Variants in ANO4 observed in about 807,000 individuals in gnomAD.
ANO4 encodes anoctamin-4.
In ANO4, 69 loss-of-function variants were observed where a neutral mutation model predicts 141.9. The ratio of observed to expected loss-of-function variants is 0.49; its 90% CI spans 0.40 to 0.59. The LOEUF is 0.59. ANO4 is among the 20% of genes least tolerant of loss of function. The pLI is 0.00. For missense variants in ANO4, 894 were observed against 1,162.2 expected, an observed-to-expected ratio of 0.77 and a Z score of 3.36; for synonymous variants, 350 against 394.3, an observed-to-expected ratio of 0.89 and a Z score of 1.33.
chr12:100,829,914 G>A (rs1366768671), intron 1 of ANO4, among the ~76,000 whole-genome samples: 2 of 152,038 alleles, frequency 1.3e-5, no homozygotes, highest in Non-Finnish European at 2.9e-5. Flanking sequence ...CAGAGGTCAC[G>A]TGTTCACAGT....
chr12:101,013,851 T>G (rs2046204465), intron 8 of ANO4, among the ~76,000 whole-genome samples: 1 of 152,170 alleles, frequency 6.6e-6, no homozygotes, highest in Admixed American at 6.5e-5. Context: ...TATATTAATT[T>G]GTGAAGAAAG....
At chr12:100,800,664 G>A (rs990540706) in intron 1 of ANO4, among the ~76,000 whole-genome samples, 2 of 152,178 alleles carry the variant, frequency 1.3e-5, no homozygotes, top group African/African-American at 4.8e-5. Context: ...ATGACAATTC[G>A]TGTCTTTGAT....
At chr12:101,039,774 G>A (rs539240805) in intron 10 of ANO4, among the ~76,000 whole-genome samples, 181 bp from the exon 11 acceptor site, 17 of 152,148 alleles carry the variant, frequency 1.1e-4, no homozygotes, top group African/African-American at 4.1e-4. Context: ...CTAGATATCA[G>A]CAGTAGCAAG....
chr12:100,718,736 G>C (rs1214799242), intron 1 of ANO4, among the ~76,000 whole-genome samples: 1 of 152,030 alleles, frequency 6.6e-6, no homozygotes, highest in African/African-American at 2.4e-5. Flanking sequence ...CCCTTCCCCC[G>C]TGCTCAGAAC....
intron 22 of ANO4, among the ~76,000 whole-genome samples, chr12:101,103,480 A>G (rs959128104): frequency 2.0e-5 from 3 of 151,482 alleles, no homozygotes; most frequent in African/African-American, 4.8e-5. Flanking sequence ...TTCTGAATCT[A>G]TTGAAATGAT....
At chr12:100,806,522 TC>T (rs2035036747) in intron 1 of ANO4, among the ~76,000 whole-genome samples, 13 of 91,654 alleles carry the variant, frequency 1.4e-4, no homozygotes, top group East Asian at 6.1e-4. Flanking sequence ...TTTTTTTGTT[TC>T]GTTTTTTTTT....
At chr12:100,871,951 T>C (rs2039056855) in intron 1 of ANO4, among the ~76,000 whole-genome samples, 2 of 152,220 alleles carry the variant, frequency 1.3e-5, no homozygotes, top group Admixed American at 1.3e-4. Context: ...AAAGGGCTGC[T>C]TGGTGTATCA....
intron 9 of ANO4, among the ~76,000 whole-genome samples, chr12:101,025,375 A>T (rs1052579396): frequency 1.3e-5 from 2 of 152,208 alleles, no homozygotes; most frequent in Admixed American, 6.5e-5. Context: ...TAAGTTGAGA[A>T]GTTGTTGCTA....
At chr12:100,890,719 AT>A (rs2040062818) in intron 1 of ANO4, among the ~76,000 whole-genome samples, 2 of 152,162 alleles carry the variant, frequency 1.3e-5, no homozygotes, top group African/African-American at 4.8e-5. Context: ...CTACATGTGC[AT>A]AGCCTCCTCT....
chr12:101,055,207 G>T (rs1432154162), intron 14 of ANO4, among the ~76,000 whole-genome samples: 1 of 152,168 alleles, frequency 6.6e-6, no homozygotes, highest in African/African-American at 2.4e-5. Context: ...ATTAAAAGTG[G>T]CATTGCTGGA....
chr12:100,851,415 G>A (rs1188614066), intron 1 of ANO4, among the ~76,000 whole-genome samples: 1 of 151,916 alleles, frequency 6.6e-6, no homozygotes, highest in Non-Finnish European at 1.5e-5. Context: ...AGATTTTAAT[G>A]TTCTTTCTAT....
intron 1 of ANO4, among the ~76,000 whole-genome samples, chr12:100,823,975 G>A (rs1377277883): frequency 6.6e-6 from 1 of 152,014 alleles, no homozygotes; most frequent in Non-Finnish European, 1.5e-5. Context: ...GAGTAAAAAT[G>A]CTACAAATCT....
At chr12:100,760,484 A>G (rs7966695) in intron 3 of ANO4, among the ~76,000 whole-genome samples, 35,938 of 152,114 alleles carry the variant, frequency 0.24, 4,571 homozygotes, top group African/African-American at 0.27. Flanking sequence ...TGGATGTGTG[A>G]TTTAGACTGA....
At position 100,731,590 on chromosome 12, in the gene ANO4, T is replaced by C. The variant is rs141840258; in HGVS notation, c.23-2184T>C. On this transcript the variant is annotated intron_variant, in intron 1 of 29. Coordinates refer to the ANO4 transcript ENST00000644049. The stretch of plus-strand genomic sequence containing the variant: ...ATTTAATAATGACTTGTATCCACCA[T>C]TGCAGTATCATACAGACTAATTTCA... Among the ~76,000 whole-genome samples the C allele has an allele frequency of 9.8e-5, 15 of 152,342 alleles. No homozygotes were observed. The East Asian group carries it at 2.9e-3, about 29-fold the overall frequency.
chr12:101,008,532 T>C (rs1273781375), intron 8 of ANO4, among the ~76,000 whole-genome samples: 1 of 152,206 alleles, frequency 6.6e-6, no homozygotes, highest in Non-Finnish European at 1.5e-5. Context: ...AATTACATTA[T>C]CATAATGTAG....
At chr12:101,066,712 C>T (rs965092805) in intron 14 of ANO4, 1 of 742,190 alleles carries the variant, frequency 1.3e-6, no homozygotes, top group South Asian at 1.4e-5. Context: ...TCAGGTGGCA[C>T]CTGCTTGAGT....
chr12:100,993,379 G>T, intron 8 of ANO4, among the ~76,000 whole-genome samples: 1 of 152,110 alleles, frequency 6.6e-6, no homozygotes, highest in Non-Finnish European at 1.5e-5. Flanking sequence ...CACTATTTAA[G>T]AACTTTAATA....
chr12:100,846,957 C>T (rs1456781344), intron 1 of ANO4, among the ~76,000 whole-genome samples: 2 of 150,404 alleles, frequency 1.3e-5, no homozygotes, highest in Admixed American at 6.6e-5. Context: ...CCCCCCCCAA[C>T]TTCTACTTAA....
At chr12:100,766,392 C>T (rs1209491302) in intron 3 of ANO4, among the ~76,000 whole-genome samples, 1 of 151,960 alleles carries the variant, frequency 6.6e-6, no homozygotes, top group Non-Finnish European at 1.5e-5. Flanking sequence ...TATAAACATC[C>T]CTCTTAGAAC....
Sources: allele counts gnomAD v4.1 joint callset (sites outside exome capture counted in the v4.1 genomes callset), GRCh38; gene constraint gnomAD v4.1.1; transcripts MANE v1.5; gene names NCBI Gene and HGNC (gene_info 2026-07-23, HGNC 2026-07-21).